Variants in SLC25A43 observed in about 807,000 individuals in gnomAD.
SLC25A43 encodes the protein solute carrier family 25, member 43.
A neutral mutation model predicts 22.8 loss-of-function variants in SLC25A43; 10 were observed. The ratio of observed to expected loss-of-function variants is 0.44; its 90% confidence interval spans 0.27 to 0.74. The LOEUF is 0.74. Among genes scored for constraint, SLC25A43 ranks in the 30% least tolerant of loss-of-function variants. The probability of loss-of-function intolerance (pLI) is 0.17; values close to 1 mark genes in which losing one functional copy is unlikely to be tolerated. For synonymous variants in SLC25A43, 106 were observed against 121.6 expected (o/e 0.87, Z 0.84); for missense variants, 233 against 279.1 (o/e 0.83, Z 1.18).
intron 3 of SLC25A43, among the ~76,000 whole-genome samples, chrX:119,427,626 T>G (rs1484183444): frequency 8.9e-6 from 1 of 111,994 alleles, no homozygotes; most frequent in Admixed American, 9.5e-5. Flanking sequence ...TTTGTTTGAT[T>G]ATTGGATATT....
chrX:119,451,251 G>T (rs2052705406), intron 3 of SLC25A43, among the ~76,000 whole-genome samples: 1 of 111,843 alleles, frequency 8.9e-6, no homozygotes, highest in Non-Finnish European at 1.9e-5. Context: ...GGATGGCTCT[G>T]AAGGTGGTGA....
rs752150121 is a variant in SLC25A43, at chrX:119,452,285, CTG to C, written c.825+144_825+145del. 1.7e-4 allele frequency: 113 copies of C among 678,457 alleles called. No homozygotes were observed. In the African/African-American group the frequency reaches 2.2e-3, roughly 13 times the overall value. The allele number at this position is 678,457 out of a possible 1,213,427, so 55.9% of individuals were successfully genotyped here. A position where few individuals can be genotyped will look rare whatever the true frequency, so the allele number is the denominator to read the frequency against. ...GTAGCACAAGGCCCATGAATGCACACTGTCTGTCAGCCCCGTAGAGAGGGGAA... is the reference window on the plus strand; with the variant it reads ...GTAGCACAAGGCCCATGAATGCACACTCTGTCAGCCCCGTAGAGAGGGGAA... On this transcript the variant is annotated intron_variant, in intron 4 of 4. Transcript: ENST00000217909.
intron 3 of SLC25A43, among the ~76,000 whole-genome samples, chrX:119,431,467 C>G (rs915522216): frequency 9.6e-6 from 1 of 104,546 alleles, no homozygotes; most frequent in Non-Finnish European, 1.9e-5. Flanking sequence ...AAGCCAAGAT[C>G]GTGCCACTGC....
At chrX:119,422,800 A>G (rs1477167047) in intron 3 of SLC25A43, 1 of 112,003 alleles carries the variant, frequency 8.9e-6, no homozygotes, top group African/African-American at 3.2e-5. Flanking sequence ...TACCCTAGCA[A>G]TCAGGTTCTA....
chrX:119,427,833 A>G (rs753973625), intron 3 of SLC25A43, among the ~76,000 whole-genome samples: 618 of 111,856 alleles, frequency 5.5e-3, no homozygotes, highest in South Asian at 9.3e-3. Flanking sequence ...TCTTTTCCCT[A>G]TGAATTTTTT....
At chrX:119,400,694 C>G (rs2052230207) in intron 1 of SLC25A43, among the ~76,000 whole-genome samples, 1 of 112,349 alleles carries the variant, frequency 8.9e-6, no homozygotes, top group Admixed American at 9.4e-5. Flanking sequence ...CACCTGGCAG[C>G]CGACAAGCCG....
intron 1 of SLC25A43, among the ~76,000 whole-genome samples, chrX:119,399,996 A>G (rs1184472542): frequency 1.8e-5 from 2 of 112,592 alleles, no homozygotes; most frequent in Non-Finnish European, 3.8e-5. Context: ...GAAAGGAATG[A>G]AAAGCTCTCC....
At chrX:119,425,260 A>C (rs899140207) in intron 3 of SLC25A43, among the ~76,000 whole-genome samples, 7 of 111,737 alleles carry the variant, frequency 6.3e-5, no homozygotes, top group Non-Finnish European at 1.3e-4. Context: ...ACTGGGAAGA[A>C]AGCCCGCCTA....
At chrX:119,444,801 G>A (rs145046349) in intron 3 of SLC25A43, among the ~76,000 whole-genome samples, 6,038 of 109,640 alleles carry the variant, frequency 0.055, 169 homozygotes, top group South Asian at 0.11. Flanking sequence ...TTGGCAGGCC[G>A]AGGTGGGTGG....
chrX:119,430,517 C>A (rs1569372948), intron 3 of SLC25A43, among the ~76,000 whole-genome samples: 1 of 111,888 alleles, frequency 8.9e-6, no homozygotes, highest in Non-Finnish European at 1.9e-5. Context: ...CTTTGTCTCC[C>A]AGGCACTCTC....
At chrX:119,432,338 T>C (rs4825638) in intron 3 of SLC25A43, among the ~76,000 whole-genome samples, 21,979 of 111,224 alleles carry the variant, frequency 0.2, 1,656 homozygotes, top group African/African-American at 0.24. Flanking sequence ...ATTAATAATA[T>C]GTAAGTCAGA....
At chrX:119,425,659 T>C (rs1200453034) in intron 3 of SLC25A43, among the ~76,000 whole-genome samples, 2 of 108,455 alleles carry the variant, frequency 1.8e-5, no homozygotes. Context: ...TTTTCAAATA[T>C]AGGTAGATGT....
At chrX:119,412,755 A>G (rs2052361848) in intron 3 of SLC25A43, among the ~76,000 whole-genome samples, 1 of 111,707 alleles carries the variant, frequency 9.0e-6, no homozygotes, top group Admixed American at 9.5e-5. Flanking sequence ...TTATCTAATT[A>G]TATCTATTAC....
At chrX:119,408,065 G>A (rs902530571) in intron 2 of SLC25A43, among the ~76,000 whole-genome samples, 6 of 110,076 alleles carry the variant, frequency 5.5e-5, no homozygotes, top group Admixed American at 3.9e-4. Context: ...ATCGTTTCAC[G>A]GCCCTCATTT....
chrX:119,449,742 A>G (rs2052692822), intron 3 of SLC25A43, among the ~76,000 whole-genome samples: 1 of 107,881 alleles, frequency 9.3e-6, no homozygotes, highest in Non-Finnish European at 1.9e-5. Context: ...AAAAAGAAAG[A>G]AAAGAAAAGA....
At chrX:119,417,771 TAA>T (rs199624214) in intron 3 of SLC25A43, among the ~76,000 whole-genome samples, 11 of 93,408 alleles carry the variant, frequency 1.2e-4, no homozygotes, top group African/African-American at 7.9e-5. Context: ...ATGATGGTTG[TAA>T]AAAAAAAAAA....
chrX:119,424,529 G>T (rs973471333), intron 3 of SLC25A43, among the ~76,000 whole-genome samples: 2 of 110,971 alleles, frequency 1.8e-5, no homozygotes, highest in African/African-American at 6.6e-5. Context: ...GGATCATTTT[G>T]ACTTTAGTTC....
intron 1 of SLC25A43, among the ~76,000 whole-genome samples, chrX:119,405,595 C>A (rs1348194979): frequency 9.8e-3 from 499 of 50,914 alleles, no homozygotes; most frequent in East Asian, 0.016. Context: ...CCTATCTCTA[C>A]AAAAAAAAAA....
chrX:119,431,872 G>A (rs905610811), intron 3 of SLC25A43, among the ~76,000 whole-genome samples: 3 of 111,190 alleles, frequency 2.7e-5, no homozygotes, highest in Admixed American at 9.6e-5. Flanking sequence ...AGCTAAGGGA[G>A]GCCAGGGGCG....
Sources: allele counts gnomAD v4.1 joint callset (sites outside exome capture counted in the v4.1 genomes callset), GRCh38; gene constraint gnomAD v4.1.1; transcripts MANE v1.5; gene names NCBI Gene and HGNC (gene_info 2026-07-23, HGNC 2026-07-21).